The following ANAPC10 variants were observed in gnomAD, a reference collection of about 807,000 sequenced individuals.
The protein encoded by ANAPC10 is anaphase promoting complex subunit 10.
In ANAPC10, 12 loss-of-function variants were observed where a neutral mutation model predicts 22.0. That is an observed-to-expected ratio of 0.55 (90% confidence interval 0.35 to 0.88). The LOEUF (loss-of-function observed/expected upper bound fraction) is 0.88. Ranked by LOEUF, ANAPC10 falls within the 40% of genes least tolerant of loss-of-function variation. The probability of loss-of-function intolerance (pLI) is 0.01; values close to 1 mark genes in which losing one functional copy is unlikely to be tolerated. For synonymous variants in ANAPC10, 65 were observed against 69.5 expected, an observed-to-expected ratio of 0.94 and a Z score of 0.32; for missense variants, 188 against 220.9, an observed-to-expected ratio of 0.85 and a Z score of 0.94.
intron 4 of ANAPC10, among the ~76,000 whole-genome samples, chr4:145,029,795 A>C (rs1737278132): frequency 6.6e-6 from 1 of 152,064 alleles, no homozygotes; most frequent in Non-Finnish European, 1.5e-5. Context: ...TGGATTAGTC[A>C]CTTTAGACCT....
At chr4:145,047,532 T>C (rs1191216911) in intron 4 of ANAPC10, among the ~76,000 whole-genome samples, 1 of 152,144 alleles carries the variant, frequency 6.6e-6, no homozygotes, top group Non-Finnish European at 1.5e-5. Flanking sequence ...TTGAATTCCA[T>C]ATCTGCCTTA....
intron 3 of ANAPC10, among the ~76,000 whole-genome samples, chr4:145,080,312 A>G (rs1475421664): frequency 1.3e-5 from 2 of 152,164 alleles, no homozygotes; most frequent in Non-Finnish European, 2.9e-5. Flanking sequence ...TTACCCATAT[A>G]ACAAACCTGC....
chr4:145,056,569 AC>A (rs1392701671), intron 4 of ANAPC10, among the ~76,000 whole-genome samples: 1 of 151,848 alleles, frequency 6.6e-6, no homozygotes, highest in African/African-American at 2.4e-5. Flanking sequence ...CTGGATTGGG[AC>A]CCCTTTCCTT....
intron 2 of ANAPC10, among the ~76,000 whole-genome samples, chr4:145,083,654 T>C (rs1056628451): frequency 1.3e-5 from 2 of 152,180 alleles, no homozygotes; most frequent in African/African-American, 4.8e-5. Context: ...TGTTTTTATA[T>C]TGATTATATG....
intron 4 of ANAPC10, among the ~76,000 whole-genome samples, chr4:145,024,591 C>A (rs1157820713): frequency 6.6e-6 from 1 of 152,156 alleles, no homozygotes; most frequent in Non-Finnish European, 1.5e-5. Context: ...TGAAATAAAT[C>A]TTTTCCTCTG....
chr4:145,083,506 C>T (rs973391193), intron 2 of ANAPC10, among the ~76,000 whole-genome samples: 1 of 152,060 alleles, frequency 6.6e-6, no homozygotes, highest in African/African-American at 2.4e-5. Flanking sequence ...GCCAAATTGT[C>T]CTCTAAAACA....
intron 4 of ANAPC10, 53 bp from the exon 5 acceptor site, chr4:144,995,656 T>C (rs1029888585): frequency 2.6e-6 from 3 of 1,146,818 alleles, no homozygotes; most frequent in Non-Finnish European, 3.8e-6. Flanking sequence ...ATATAATTTA[T>C]AACAATGAAT....
chr4:145,026,957 G>GTGTGTGTGTATATATATA (rs1343774253), intron 4 of ANAPC10, among the ~76,000 whole-genome samples: 1 of 18,342 alleles, frequency 5.5e-5, no homozygotes, highest in Non-Finnish European at 8.3e-5. Context: ...GTGTGTGTGT[G>GTGTGTGTGTATATATATA]TATATATATA....
chr4:145,057,261 G>GT (rs969871783), intron 4 of ANAPC10, among the ~76,000 whole-genome samples: 24 of 152,076 alleles, frequency 1.6e-4, no homozygotes, highest in African/African-American at 4.6e-4. Flanking sequence ...GCTTAAACAA[G>GT]TTTTAAGAAC....
At chr4:145,063,969 G>A (rs1743289826) in intron 4 of ANAPC10, 2 of 152,032 alleles carry the variant, frequency 1.3e-5, no homozygotes, top group Non-Finnish European at 2.9e-5. Flanking sequence ...AGTTATTTCT[G>A]AGGGTAGGAT....
intron 4 of ANAPC10, among the ~76,000 whole-genome samples, chr4:145,063,662 T>C (rs972152013): frequency 3.3e-5 from 5 of 152,116 alleles, no homozygotes; most frequent in African/African-American, 1.2e-4. Context: ...CACAATTATG[T>C]AGTTCAAAGT....
chr4:145,080,145 T>C (rs888699300), intron 3 of ANAPC10, among the ~76,000 whole-genome samples: 3 of 134,044 alleles, frequency 2.2e-5, no homozygotes, highest in Non-Finnish European at 3.2e-5. Context: ...AAAACACACA[T>C]TGAATACACA....
intron 4 of ANAPC10, among the ~76,000 whole-genome samples, chr4:145,038,904 T>C (rs1739058139): frequency 2.6e-5 from 1 of 37,754 alleles, no homozygotes; most frequent in Admixed American, 2.1e-4. Flanking sequence ...CAGATACTTC[T>C]GATGACGAGA....
At chr4:145,067,192 T>C (rs1486481972) in intron 3 of ANAPC10, among the ~76,000 whole-genome samples, 4 of 152,178 alleles carry the variant, frequency 2.6e-5, no homozygotes, top group African/African-American at 7.2e-5. Flanking sequence ...TGGAAAAGCA[T>C]GCTATGTTTC....
chr4:145,079,692 C>T (rs1330783150), intron 3 of ANAPC10, among the ~76,000 whole-genome samples: 3 of 152,136 alleles, frequency 2.0e-5, no homozygotes, highest in Non-Finnish European at 2.9e-5. Context: ...GAACACCACA[C>T]AATCATAAAA....
intron 4 of ANAPC10, among the ~76,000 whole-genome samples, chr4:145,025,125 G>A (rs1736475876): frequency 6.6e-6 from 1 of 152,128 alleles, no homozygotes; most frequent in Admixed American, 6.6e-5. Context: ...CAAGAGTTAG[G>A]GTCTTACTGT....
At chr4:145,033,628 A>G (rs938912522) in intron 4 of ANAPC10, among the ~76,000 whole-genome samples, 1 of 152,216 alleles carries the variant, frequency 6.6e-6, no homozygotes, top group African/African-American at 2.4e-5. Context: ...ATGGGAAACT[A>G]CAACAGCCCA....
intron 2 of ANAPC10, among the ~76,000 whole-genome samples, chr4:145,089,910 C>G (rs1229872453): frequency 1.3e-5 from 2 of 152,142 alleles, no homozygotes; most frequent in Admixed American, 6.5e-5. Flanking sequence ...TTGTTTTACT[C>G]TGTTACTTAC....
intron 4 of ANAPC10, among the ~76,000 whole-genome samples, chr4:145,032,365 C>T (rs1420340381): frequency 3.3e-5 from 5 of 152,164 alleles, no homozygotes; most frequent in Admixed American, 6.5e-5. Flanking sequence ...GCCAATGGAT[C>T]GGCTGGATGG....
Sources: allele counts gnomAD v4.1 joint callset (sites outside exome capture counted in the v4.1 genomes callset), GRCh38; gene constraint gnomAD v4.1.1; transcripts MANE v1.5; gene names NCBI Gene and HGNC (gene_info 2026-07-23, HGNC 2026-07-21).